Variants in TNKS observed in about 807,000 individuals in gnomAD.
TNKS encodes the protein poly [ADP-ribose] polymerase tankyrase-1.
A neutral mutation model predicts 135.8 loss-of-function variants in TNKS; 72 were observed. The ratio of observed to expected loss-of-function variants is 0.53; its 90% CI spans 0.44 to 0.64. TNKS has a LOEUF of 0.64. Among genes scored for constraint, TNKS ranks in the 30% least tolerant of loss-of-function variants. TNKS has a pLI of 0.00. For missense variants in TNKS, 1,769 were observed against 1,674.0 expected, an observed-to-expected ratio of 1.06 and a Z score of -0.99; for synonymous variants, 849 against 649.3, an observed-to-expected ratio of 1.31 and a Z score of -4.68.
At chr8:9,688,097 A>G (rs1443232319) in intron 5 of TNKS, among the ~76,000 whole-genome samples, 3 of 152,218 alleles carry the variant, frequency 2.0e-5, no homozygotes, top group Non-Finnish European at 4.4e-5. Context: ...ATGTTTTAAT[A>G]TATGCTTTAT....
chr8:9,570,162 C>T (rs1250710815), intron 1 of TNKS, among the ~76,000 whole-genome samples: 5 of 151,916 alleles, frequency 3.3e-5, no homozygotes, highest in African/African-American at 9.7e-5. Context: ...TAAATATAGG[C>T]CAGGTGTGAT....
At chr8:9,581,934 C>T (rs746686840) in intron 2 of TNKS, among the ~76,000 whole-genome samples, 8 of 152,128 alleles carry the variant, frequency 5.3e-5, no homozygotes, top group Non-Finnish European at 1.0e-4. Flanking sequence ...GAATGGATCC[C>T]TGCAGCACTC....
rs770737921 is a variant in TNKS, at chr8:9,776,306, G to A, written c.3898-344G>A. ...TTTAGCAAACTTTTATTGAACACAC[G>A]CTGTGTGACAGCACCAATGCTCTGT... On this transcript the variant is annotated intron_variant, in intron 26 of 26. Coordinates refer to ENST00000310430, the MANE Select transcript of TNKS (RefSeq NM_003747.3). Among the ~76,000 whole-genome samples, 16 of 152,108 alleles carry A rather than the reference G, an allele frequency of 1.1e-4. No homozygotes were observed. In the East Asian group the frequency reaches 1.7e-3, roughly 16 times the overall value.
intron 20 of TNKS, among the ~76,000 whole-genome samples, chr8:9,755,744 C>CTTTG (rs1806801036): frequency 6.6e-6 from 1 of 152,144 alleles, no homozygotes; most frequent in South Asian, 2.1e-4. Context: ...TTCTGATGCT[C>CTTTG]TTTGACATGC....
chr8:9,716,021 C>A (rs1804584492), intron 11 of TNKS, among the ~76,000 whole-genome samples: 1 of 152,158 alleles, frequency 6.6e-6, no homozygotes, highest in Admixed American at 6.6e-5. Context: ...TTCATAAATG[C>A]ATTTCTTCAT....
chr8:9,708,381 A>G lies in TNKS; in HGVS notation c.1467A>G (p.Lys489=). Residue 489 remains lysine, a synonymous_variant, in exon 9 of 27, where the codon AAA becomes AAG. Transcript: ENST00000310430. ...ELRERLTYEF[K]GHSLLQAARE... ...TTGTTTCATTGACAGATGAATTTAA[A>G]GGTCATTCTTTACTACAAGCAGCCA... 6.2e-7 allele frequency: 1 copy of G among 1,600,586 alleles called. No homozygotes were observed.
intron 2 of TNKS, among the ~76,000 whole-genome samples, chr8:9,600,445 C>G (rs562625227): frequency 3.3e-5 from 5 of 152,134 alleles, no homozygotes; most frequent in Admixed American, 6.5e-5. Context: ...TCCCAAGTAG[C>G]TGGGAGTACA....
chr8:9,720,605 C>G (rs1160189503), intron 12 of TNKS, 60 bp downstream of exon 12: 1 of 1,507,044 alleles, frequency 6.6e-7, no homozygotes, highest in Non-Finnish European at 8.9e-7. Context: ...TGCTGAAATA[C>G]ACAGACAAAC....
At chr8:9,607,288 A>G (rs1799264268) in intron 2 of TNKS, among the ~76,000 whole-genome samples, 1 of 152,220 alleles carries the variant, frequency 6.6e-6, no homozygotes. Context: ...TTAATTGAAG[A>G]CAGCAGGATT....
chr8:9,672,770 A>G (rs1179226436), intron 3 of TNKS, among the ~76,000 whole-genome samples: 1 of 151,136 alleles, frequency 6.6e-6, no homozygotes, highest in African/African-American at 2.4e-5. Context: ...CCATTAACAC[A>G]GATAGTTGAT....
chr8:9,621,024 T>TAA (rs1353109778), intron 3 of TNKS, among the ~76,000 whole-genome samples: 1 of 152,238 alleles, frequency 6.6e-6, no homozygotes, highest in African/African-American at 2.4e-5. Context: ...GTCATATAAA[T>TAA]ACTCATTAAC....
chr8:9,698,305 T>C (rs187912037), intron 5 of TNKS, among the ~76,000 whole-genome samples: 1 of 147,432 alleles, frequency 6.8e-6, no homozygotes, highest in African/African-American at 2.5e-5. Context: ...TGCTCACTAC[T>C]TGACTGCAGT....
chr8:9,603,043 T>C (rs1799076229), intron 2 of TNKS, among the ~76,000 whole-genome samples: 2 of 152,164 alleles, frequency 1.3e-5, no homozygotes, highest in Non-Finnish European at 2.9e-5. Context: ...CTATCAATTT[T>C]TAAATTTAAC....
chr8:9,594,991 A>C (rs547617135), intron 2 of TNKS, among the ~76,000 whole-genome samples: 1 of 152,330 alleles, frequency 6.6e-6, no homozygotes, highest in Non-Finnish European at 1.5e-5. Flanking sequence ...GTTTGCAAAA[A>C]TTAGTTGAAA....
rs549067526 is a variant in TNKS, at chr8:9,658,609, G to A, written c.995-21342G>A. 6.6e-5 allele frequency among the ~76,000 whole-genome samples: 10 copies of A among 152,280 alleles called. 1 individual carries two copies. In the South Asian group the frequency reaches 1.2e-3, roughly 19 times the overall value. ...GCACTAAACATGGAAAGGAACAACC[G>A]GTAACAGCCACTGCAAAAACATGCC... On this transcript the variant is annotated intron_variant, in intron 3 of 26. Coordinates refer to ENST00000310430, the MANE Select transcript of TNKS (RefSeq NM_003747.3).
chr8:9,761,452 G>A (rs1807143824), intron 20 of TNKS, 64 bp from the exon 21 acceptor site: 1 of 1,557,136 alleles, frequency 6.4e-7, no homozygotes, highest in South Asian at 1.2e-5. Flanking sequence ...AAGGCAATTG[G>A]AAAAGCTTTT....
At chr8:9,593,693 AT>A (rs1195663942) in intron 2 of TNKS, among the ~76,000 whole-genome samples, 1 of 152,046 alleles carries the variant, frequency 6.6e-6, no homozygotes, top group Non-Finnish European at 1.5e-5. Context: ...GATATGTTTC[AT>A]TTCCTTTTAC....
chr8:9,777,590 T>G lies in TNKS; in HGVS notation c.*854T>G, dbSNP rs1255755483. On this transcript the variant is annotated 3_prime_UTR_variant, in exon 27 of 27. Transcript: ENST00000310430. The stretch of plus-strand genomic sequence containing the variant: ...GATGCAGGTTGACACGGGCTTGAGT[T>G]CCAAGGTGAAAAAACTGGGGAGGCT... 1 of 152,440 alleles carries G rather than the reference T, an allele frequency of 6.6e-6. No individual in the cohort carries two copies. The highest frequency in any genetic ancestry group is 2.1e-4 in the South Asian group (1 of 4,812). 9.4% of individuals were successfully genotyped at this position (152,440 alleles called of 1,614,324 possible). A position where few individuals can be genotyped will look rare whatever the true frequency, so the allele number is the denominator to read the frequency against.
At chr8:9,621,386 C>T (rs191375826) in intron 3 of TNKS, among the ~76,000 whole-genome samples, 129 of 150,986 alleles carry the variant, frequency 8.5e-4, no homozygotes, top group African/African-American at 2.9e-3. Context: ...CTCACTGCAA[C>T]CTCCACCTCC....
Sources: allele counts gnomAD v4.1 joint callset (sites outside exome capture counted in the v4.1 genomes callset), GRCh38; gene constraint gnomAD v4.1.1; transcripts MANE v1.5; gene names NCBI Gene and HGNC (gene_info 2026-07-23, HGNC 2026-07-21).